Variants in INO80D observed in about 807,000 individuals in gnomAD.
The protein encoded by INO80D is INO80 complex subunit D.
A neutral mutation model predicts 87.6 loss-of-function variants in INO80D; 21 were observed. The ratio of observed to expected loss-of-function variants is 0.24; its 90% CI spans 0.17 to 0.35. The LOEUF (loss-of-function observed/expected upper bound fraction) is 0.35, where lower values mean the gene tolerates loss of function less well. Among genes scored for constraint, INO80D ranks in the 10% least tolerant of loss-of-function variants. The pLI, the probability that INO80D is intolerant of heterozygous loss-of-function variation, is 1.00. For missense variants in INO80D, 982 were observed against 1,280.7 expected, an observed-to-expected ratio of 0.77 and a Z score of 3.56; for synonymous variants, 440 against 491.0, an observed-to-expected ratio of 0.90 and a Z score of 1.37.
At chr2:206,027,969 A>C (rs1356500570) in intron 6 of INO80D, 142 bp downstream of exon 6, 5 of 486,782 alleles carry the variant, frequency 1.0e-5, no homozygotes, top group Non-Finnish European at 1.7e-5. Context: ...GTAGCACTTT[A>C]ATAAAGCAAG....
chr2:206,057,288 T>C lies in INO80D; in HGVS notation c.219-345A>G, dbSNP rs1242200382. Among the ~76,000 whole-genome samples, 4 of 152,174 alleles carry C rather than the reference T, an allele frequency of 2.6e-5. No individual in the cohort carries two copies. In the East Asian group the frequency reaches 7.7e-4, roughly 29 times the overall value. ...AGTAACTCATCAAGAGTCTAAAAGA[T>C]CACTTAAAATTCTCTTATGAGAAAA... On this transcript the variant is annotated intron_variant, in intron 3 of 10. Coordinates refer to ENST00000403263, the MANE Select transcript of INO80D (RefSeq NM_017759.5).
chr2:206,085,511 A>AG lies in INO80D; in HGVS notation c.-124+389dup, dbSNP rs1690429741. The stretch of plus-strand genomic sequence containing the variant: ...CCACCCGGAGACCCCGGGGGACTCG[A>AG]GGGGGCGCGCGGAGGCCCGGGGTGC... On this transcript the variant is annotated intron_variant, in intron 1 of 10. Coordinates refer to ENST00000403263, the MANE Select transcript of INO80D (RefSeq NM_017759.5). The surrounding 1 kb of genome is among the most constrained non-coding windows in gnomAD (Gnocchi z 4.5). 5 of 149,844 alleles carry AG rather than the reference A, an allele frequency of 3.3e-5. No individual in the cohort carries two copies. The highest frequency in any genetic ancestry group is 1.5e-5 in the Non-Finnish European group (1 of 67,356). 9.3% of individuals were successfully genotyped at this position (149,844 alleles called of 1,614,324 possible).
intron 1 of INO80D, among the ~76,000 whole-genome samples, chr2:206,083,986 C>T (rs1213567884): frequency 6.6e-6 from 1 of 151,584 alleles, no homozygotes; most frequent in Non-Finnish European, 1.5e-5. Flanking sequence ...TGTCAACACT[C>T]AAGAACAACA....
chr2:206,068,347 G>A (rs888033445), intron 1 of INO80D, among the ~76,000 whole-genome samples: 10 of 152,126 alleles, frequency 6.6e-5, no homozygotes, highest in Admixed American at 5.2e-4. Flanking sequence ...AGATCCTCCC[G>A]CTTTGGCCTT....
chr2:206,019,329 T>C (rs970225745), intron 7 of INO80D, among the ~76,000 whole-genome samples: 2 of 152,216 alleles, frequency 1.3e-5, no homozygotes, highest in Admixed American at 6.5e-5. Context: ...AAGAGTAAAC[T>C]AATCTTACAG....
intron 5 of INO80D, among the ~76,000 whole-genome samples, chr2:206,043,329 A>G (rs1188173687): frequency 1.3e-5 from 2 of 151,266 alleles, no homozygotes; most frequent in East Asian, 3.9e-4. Flanking sequence ...GCACCACCAC[A>G]CCCGATTAAT....
intron 1 of INO80D, among the ~76,000 whole-genome samples, chr2:206,070,843 T>C (rs1689942898): frequency 6.6e-6 from 1 of 151,908 alleles, no homozygotes; most frequent in Non-Finnish European, 1.5e-5. Flanking sequence ...TATTGTTTCA[T>C]GCTGAAAAAG....
In INO80D at chr2:206,030,245, G is replaced by A. The variant is rs569127723; in HGVS notation, c.1074-1910C>T. ...CCCTGCAATTTTGGGAGGCCAAGGT[G>A]GGCAGATCACCTGAGGTCAAGAGTT... On this transcript the variant is annotated intron_variant, in intron 5 of 10. Coordinates refer to ENST00000403263, the MANE Select transcript of INO80D (RefSeq NM_017759.5). Among the ~76,000 whole-genome samples the A allele has an allele frequency of 9.2e-5, 14 of 152,266 alleles. No individual in the cohort carries two copies. In the South Asian group the frequency reaches 2.9e-3, roughly 32 times the overall value.
intron 1 of INO80D, among the ~76,000 whole-genome samples, chr2:206,078,458 A>C (rs1690183735): frequency 6.6e-6 from 1 of 152,086 alleles, no homozygotes; most frequent in Non-Finnish European, 1.5e-5. Context: ...ATTTCCCCAC[A>C]AAATACCTTA....
At position 206,078,565 on chromosome 2, in the gene INO80D, G is replaced by A. The variant is rs558785759; in HGVS notation, c.-124+7336C>T. Among the ~76,000 whole-genome samples, 7 of 152,298 alleles carry A rather than the reference G, an allele frequency of 4.6e-5. No homozygotes were observed. In the South Asian group the frequency reaches 1.5e-3, roughly 32 times the overall value. ...AATTCCAACACTATGGCAGGCTGAG[G>A]CAGAAGGATCACTTGAGCCCCTTTG... On this transcript the variant is annotated intron_variant, in intron 1 of 10. Transcript: ENST00000403263.
At chr2:206,007,148 G>A (rs973544621) in intron 10 of INO80D, 136 bp downstream of exon 10, 4 of 721,420 alleles carry the variant, frequency 5.5e-6, no homozygotes, top group Non-Finnish European at 6.9e-6. Context: ...TAGCTGCAGT[G>A]GCATTATATT....
chr2:206,023,485 C>T (rs1275914670), intron 6 of INO80D, among the ~76,000 whole-genome samples: 1 of 151,812 alleles, frequency 6.6e-6, no homozygotes, highest in African/African-American at 2.4e-5. Flanking sequence ...AGTTCATGAC[C>T]AGCCTAGCCA....
intron 1 of INO80D, among the ~76,000 whole-genome samples, chr2:206,076,425 C>A (rs772430842): frequency 6.6e-6 from 1 of 152,118 alleles, no homozygotes; most frequent in African/African-American, 2.4e-5. Flanking sequence ...AGACACTAAA[C>A]AGATGACTAT....
intron 6 of INO80D, among the ~76,000 whole-genome samples, chr2:206,027,602 G>A (rs763749736): frequency 2.6e-5 from 4 of 152,090 alleles, no homozygotes; most frequent in Non-Finnish European, 5.9e-5. Context: ...TACTCAGGAG[G>A]CTGAGGTGGG....
intron 8 of INO80D, among the ~76,000 whole-genome samples, chr2:206,012,401 C>T (rs908966721): frequency 6.6e-6 from 1 of 152,138 alleles, no homozygotes; most frequent in Admixed American, 6.5e-5. Context: ...CATAGACACA[C>T]CCAGCCTACT....
Position 206,005,392 on chromosome 2 carries a change from T to G in INO80D, c.2060A>C (p.Asp687Ala). 6.2e-7 allele frequency: 1 copy of G among 1,613,974 alleles called. No individual in the cohort carries two copies. Among genetic ancestry groups the G allele is most frequent in the Non-Finnish European group, 8.5e-7 (1 of 1,179,898 alleles). ...SDGVPVQELS[D>A]RGIGVFSTGT... ...TGTGGAGAACACCCCTATTCCTCTA[T>G]CTGACAACTCCTGGACTGGCACACC... The change falls in exon 11 of 11, where the codon GAT becomes GCT. Residue 687 changes from aspartate to alanine, a missense_variant. Transcript: ENST00000403263.
chr2:206,057,027 T>G lies in INO80D; in HGVS notation c.219-84A>C, dbSNP rs1037164158. Reference sequence around the variant, plus strand: ...ACATAAAACTACATGAGAATCCTAATGTTAAAAATTGCGTCACTATAGTGA... The same window carrying G: ...ACATAAAACTACATGAGAATCCTAAGGTTAAAAATTGCGTCACTATAGTGA... On this transcript the variant is annotated intron_variant, in intron 3 of 10. Transcript: ENST00000403263. 3.7e-6 allele frequency: 5 copies of G among 1,347,312 alleles called. No individual in the cohort carries two copies. The African/African-American group carries it at 7.3e-5, about 20-fold the overall frequency. 83.5% of individuals were successfully genotyped at this position (1,347,312 alleles called of 1,614,324 possible).
chr2:206,048,153 C>T (rs1442547191), intron 4 of INO80D, among the ~76,000 whole-genome samples: 1 of 152,178 alleles, frequency 6.6e-6, no homozygotes, highest in Non-Finnish European at 1.5e-5. Flanking sequence ...CCGTGCCCAG[C>T]CTCTTTCAAT....
At chr2:206,061,099 G>A (rs575370588) in intron 3 of INO80D, among the ~76,000 whole-genome samples, 7 of 151,904 alleles carry the variant, frequency 4.6e-5, no homozygotes, top group East Asian at 3.9e-4. Flanking sequence ...CTGCAGCCTC[G>A]GCCTCCTGGG....
Sources: gnomAD v4.1 joint callset for allele counts (sites outside exome capture counted in the v4.1 genomes callset) on GRCh38, gnomAD v4.1.1 for gene constraint, Gnocchi (gnomAD v3.1) non-coding constraint, MANE v1.5 for transcripts, NCBI Gene and HGNC (gene_info 2026-07-23, HGNC 2026-07-21) for gene names.